Variants in SRPK1 observed in about 807,000 individuals in gnomAD.
The protein encoded by SRPK1 is SRSF protein kinase 1, also known as SFRS protein kinase 1.
SRPK1 carries 52 observed loss-of-function variants against 89.5 expected under a neutral mutation model. That is an observed-to-expected ratio of 0.58 (90% CI 0.46 to 0.73). The LOEUF is 0.73. Among genes scored for constraint, SRPK1 ranks in the 30% least tolerant of loss-of-function variants. SRPK1 has a pLI of 0.00. For missense variants in SRPK1, 603 were observed against 780.6 expected, an observed-to-expected ratio of 0.77 and a Z score of 2.71; for synonymous variants, 255 against 270.2, an observed-to-expected ratio of 0.94 and a Z score of 0.55.
chr6:35,839,500 T>C (rs1448432858), intron 14 of SRPK1, among the ~76,000 whole-genome samples: 1 of 152,178 alleles, frequency 6.6e-6, no homozygotes, highest in Non-Finnish European at 1.5e-5. Context: ...TTTTAAAGTA[T>C]AGCTGCTTGA....
At chr6:35,850,639 A>T (rs2151081966) in intron 13 of SRPK1, among the ~76,000 whole-genome samples, 1 of 151,492 alleles carries the variant, frequency 6.6e-6, no homozygotes, top group South Asian at 2.1e-4. Context: ...AGATGTACGT[A>T]AGAATTGCCG....
intron 2 of SRPK1, among the ~76,000 whole-genome samples, chr6:35,893,316 C>T (rs1380298020): frequency 6.6e-6 from 1 of 152,030 alleles, no homozygotes; most frequent in Non-Finnish European, 1.5e-5. Context: ...GAAACCTCAT[C>T]ATTAAGAAAA....
intron 13 of SRPK1, among the ~76,000 whole-genome samples, chr6:35,854,968 A>C (rs1266049330): frequency 1.3e-5 from 2 of 152,176 alleles, no homozygotes; most frequent in Non-Finnish European, 2.9e-5. Context: ...TTGTGCAACA[A>C]TATTAAAACC....
Position 35,920,604 on chromosome 6 carries a change from G to A in SRPK1, c.14-76C>T, listed in dbSNP as rs530137035. The stretch of plus-strand genomic sequence containing the variant: ...CCAAGGTGAGGGTGGAGACCCAGCA[G>A]GGGCGCCAGGCCCGGCTGCGGGGCC... On this transcript the variant is annotated intron_variant, in intron 1 of 15. Coordinates refer to ENST00000373825, the MANE Select transcript of SRPK1 (RefSeq NM_003137.5). 5.8e-6 allele frequency: 8 copies of A among 1,383,382 alleles called. No individual in the cohort carries two copies. In the South Asian group the frequency reaches 9.4e-5, roughly 16 times the overall value. 85.7% of individuals were successfully genotyped at this position (1,383,382 alleles called of 1,614,324 possible). A position where few individuals can be genotyped will look rare whatever the true frequency, so the allele number is the denominator to read the frequency against.
chr6:35,837,422 A>G (rs551457328), intron 15 of SRPK1, among the ~76,000 whole-genome samples: 1 of 152,238 alleles, frequency 6.6e-6, no homozygotes, highest in Non-Finnish European at 1.5e-5. Context: ...CAGGCACTAT[A>G]CATATTAACT....
At chr6:35,907,653 CGA>C (rs1285776320) in intron 2 of SRPK1, among the ~76,000 whole-genome samples, 1 of 151,454 alleles carries the variant, frequency 6.6e-6, no homozygotes, top group East Asian at 1.9e-4. Flanking sequence ...TGCAGTGAGC[CGA>C]GATTGCACCA....
chr6:35,868,842 A>G (rs1431903817), intron 12 of SRPK1, among the ~76,000 whole-genome samples, 168 bp downstream of exon 12: 1 of 152,228 alleles, frequency 6.6e-6, no homozygotes, highest in Non-Finnish European at 1.5e-5. Context: ...TTTCGTAAGT[A>G]TATTTAAACT....
chr6:35,899,257 G>A (rs895839699), intron 2 of SRPK1, among the ~76,000 whole-genome samples: 7 of 152,220 alleles, frequency 4.6e-5, no homozygotes, highest in Admixed American at 1.3e-4. Context: ...AAGACCTTAC[G>A]TGATCTGTCT....
intron 6 of SRPK1, among the ~76,000 whole-genome samples, chr6:35,880,361 G>C (rs2127252651): frequency 6.6e-6 from 1 of 152,072 alleles, no homozygotes; most frequent in South Asian, 2.1e-4. Context: ...GAAAAGTGAA[G>C]AGGCTTAAGG....
chr6:35,886,404 T>G (rs1770410790), intron 6 of SRPK1, among the ~76,000 whole-genome samples: 1 of 152,154 alleles, frequency 6.6e-6, no homozygotes, highest in Non-Finnish European at 1.5e-5. Flanking sequence ...CATAAGAAAT[T>G]ACTTCCCTTA....
chr6:35,882,508 G>C (rs958653772), intron 6 of SRPK1, among the ~76,000 whole-genome samples: 1 of 151,846 alleles, frequency 6.6e-6, no homozygotes, highest in African/African-American at 2.4e-5. Flanking sequence ...TGTAGAGACA[G>C]GGTCTTGCTA....
chr6:35,920,104 G>C (rs1771197081), intron 2 of SRPK1: 3 of 470,428 alleles, frequency 6.4e-6, no homozygotes, highest in South Asian at 3.1e-5. Flanking sequence ...TTGGGGAGCA[G>C]GTAAGAGAGA....
At chr6:35,837,508 G>A (rs1481948755) in intron 15 of SRPK1, among the ~76,000 whole-genome samples, 1 of 152,164 alleles carries the variant, frequency 6.6e-6, no homozygotes. Context: ...TCCTGTCAAA[G>A]GTCACATGGC....
At chr6:35,845,427 T>A (rs183185241) in intron 13 of SRPK1, among the ~76,000 whole-genome samples, 2 of 152,318 alleles carry the variant, frequency 1.3e-5, no homozygotes, top group Admixed American at 6.5e-5. Flanking sequence ...AAATAAAGTC[T>A]ATTAAGAAAC....
At chr6:35,901,671 T>G (rs1770741850) in intron 2 of SRPK1, among the ~76,000 whole-genome samples, 1 of 152,210 alleles carries the variant, frequency 6.6e-6, no homozygotes, top group South Asian at 2.1e-4. Context: ...TCACACTTAT[T>G]TAGATGTGAT....
chr6:35,857,311 T>G lies in SRPK1; in HGVS notation c.1570A>C (p.Ile524Leu). The G allele has an allele frequency of 6.2e-7, 1 of 1,613,400 alleles. No homozygotes were observed. The highest frequency in any genetic ancestry group is 8.5e-7 in the Non-Finnish European group (1 of 1,179,712). The change falls in exon 13 of 16, where the codon ATC becomes CTC. Residue 524 changes from isoleucine (I) to leucine (L), a missense_variant. Physicochemically the swap from Ile to Leu is conservative, Grantham distance 5. Coordinates refer to ENST00000373825, the MANE Select transcript of SRPK1 (RefSeq NM_003137.5). ...TRQYRSLEVL[I>L]GSGYNTPADI... The stretch of plus-strand genomic sequence containing the variant: ...GCAGGGGTATTATAGCCAGATCCGA[T>G]TAGAACTTCCAAGGAACGATATTGC...
At chr6:35,858,762 G>A (rs1281338602) in intron 12 of SRPK1, among the ~76,000 whole-genome samples, 1 of 151,990 alleles carries the variant, frequency 6.6e-6, no homozygotes, top group African/African-American at 2.4e-5. Context: ...TAGGAGACAC[G>A]GAAAACAGGG....
intron 2 of SRPK1, among the ~76,000 whole-genome samples, chr6:35,907,867 T>C (rs977515462): frequency 6.6e-6 from 1 of 152,204 alleles, no homozygotes; most frequent in African/African-American, 2.4e-5. Context: ...GGGAGGTCAC[T>C]GGGTCATGGG....
chr6:35,880,797 A>AAC (rs1410362858), intron 6 of SRPK1, among the ~76,000 whole-genome samples: 2 of 149,980 alleles, frequency 1.3e-5, no homozygotes, highest in South Asian at 2.1e-4. Context: ...TTGAAAAAAA[A>AAC]AACAACGGTT....
Sources: allele counts gnomAD v4.1 joint callset (sites outside exome capture counted in the v4.1 genomes callset), GRCh38; gene constraint gnomAD v4.1.1; transcripts MANE v1.5; gene names NCBI Gene and HGNC (gene_info 2026-07-23, HGNC 2026-07-21).